FAT3: variants seen among roughly 807,000 people sequenced by gnomAD.
FAT3 encodes FAT atypical cadherin 3, also known as protocadherin Fat 3.
Under a neutral mutation model 310.2 loss-of-function variants are expected in FAT3, and 95 were observed. The ratio of observed to expected loss-of-function variants is 0.31; its 90% CI spans 0.26 to 0.36. FAT3 has a LOEUF of 0.36. Among genes scored for constraint, FAT3 ranks in the 10% least tolerant of loss-of-function variants. The pLI is 1.00. For missense variants in FAT3, 5,408 were observed against 5,715.6 expected (o/e 0.95, Z 1.74); for synonymous variants, 2,314 against 2,192.9 (o/e 1.06, Z -1.54).
chr11:92,281,276 C>A (rs1243647420), intron 1 of FAT3, among the ~76,000 whole-genome samples: 1 of 152,048 alleles, frequency 6.6e-6, no homozygotes, highest in Non-Finnish European at 1.5e-5. Flanking sequence ...AAGGAAATAT[C>A]TTCAAATTAA....
chr11:92,745,582 G>GAAAA (rs58851230), intron 4 of FAT3, among the ~76,000 whole-genome samples: 9 of 122,970 alleles, frequency 7.3e-5, no homozygotes, highest in African/African-American at 2.4e-4. Flanking sequence ...TCTCTGCAGG[G>GAAAA]AAAAAAAAAA....
rs189080743 is a variant in FAT3, at chr11:92,857,235, A to G, written c.11387A>G (p.Asn3796Ser). The G allele has an allele frequency of 2.6e-4, 412 of 1,613,982 alleles. 3 individuals carry two copies. The African/African-American group carries it at 4.8e-3, about 19-fold the overall frequency. ...ACAGGAGGACTGTGTCCGGGGTCCA[A>G]CGATCCTTGTGTGGAGAAGCCGTGT... ...TCNGGLCPGS[N>S]DPCVEKPCPG... Residue 3796 changes from asparagine (N) to serine (S), a missense_variant, in exon 20 of 28, where the codon AAC (asparagine) becomes AGC (serine). Physicochemically the swap from Asn to Ser is conservative, Grantham distance 46. This residue lies in a region of FAT3 where 4,588 missense variants were observed against 4,809.8 expected (regional missense o/e 0.95). Transcript: ENST00000525166.
rs536129063 is a variant in FAT3 at position 92,800,282 on chromosome 11, C to G, written c.7269C>G (p.Ser2423Arg). ...GTGTACAAGCCTCTGATGCAGACAG[C>G]TCTGATTTTGACCGGTTGGAATATA... ...VTCVQASDAD[S>R]SDFDRLEYSI... Residue 2423 changes from serine to arginine, a missense_variant, in exon 10 of 28, where the codon AGC becomes AGG. Ser to Arg is a moderately radical substitution (Grantham distance 110). Transcript: ENST00000525166. 156 of 1,613,894 alleles carry G rather than the reference C, an allele frequency of 9.7e-5. 1 individual carries two copies. The East Asian group carries it at 3.3e-3, about 34-fold the overall frequency.
chr11:92,752,916 T>C (rs1189872534), intron 4 of FAT3, among the ~76,000 whole-genome samples: 1 of 152,218 alleles, frequency 6.6e-6, no homozygotes, highest in Admixed American at 6.5e-5. Flanking sequence ...AACAATATAA[T>C]AAATAAGGAC....
chr11:92,752,561 G>C (rs941459333), intron 4 of FAT3, among the ~76,000 whole-genome samples: 27 of 152,152 alleles, frequency 1.8e-4, no homozygotes, highest in Non-Finnish European at 5.9e-5. Context: ...CTAGGGTAGG[G>C]AGCCAAAGTT....
At chr11:92,846,969 A>G (rs3847542) in intron 19 of FAT3, among the ~76,000 whole-genome samples, 22,961 of 152,208 alleles carry the variant, frequency 0.15, 1,788 homozygotes, top group East Asian at 0.23. Flanking sequence ...TCTTTGTTTT[A>G]TAGATGTGGT....
chr11:92,282,153 G>A (rs937290508), intron 1 of FAT3, among the ~76,000 whole-genome samples: 1 of 152,054 alleles, frequency 6.6e-6, no homozygotes, highest in Non-Finnish European at 1.5e-5. Context: ...TGATCTGCCT[G>A]CCTCAGCCTC....
Position 92,801,797 on chromosome 11 carries a change from G to A in FAT3, c.8784G>A (p.Val2928=), listed in dbSNP as rs931573599. 5.0e-6 allele frequency: 8 copies of A among 1,613,816 alleles called. No individual in the cohort carries two copies. In the Admixed American group the frequency reaches 1.0e-4, roughly 20 times the overall value. The change falls in exon 10 of 28, where the codon GTG becomes GTA. Residue 2928 remains valine (V), a synonymous_variant. Coordinates refer to ENST00000525166, the MANE Select transcript of FAT3 (RefSeq NM_001367949.2). ...ATGCACCAGTCTTCGCGCAGGAAGT[G>A]TACCGAGGGAATGTGAAGGAGAGCG... ...NDNAPVFAQE[V]YRGNVKESDP...
intron 3 of FAT3, among the ~76,000 whole-genome samples, chr11:92,545,199 G>A (rs1954577313): frequency 6.6e-6 from 1 of 152,016 alleles, no homozygotes; most frequent in South Asian, 2.1e-4. Context: ...TCTCTTCAAG[G>A]CCTTCCTCAG....
At chr11:92,274,557 G>T (rs1946212426) in intron 1 of FAT3, among the ~76,000 whole-genome samples, 1 of 151,886 alleles carries the variant, frequency 6.6e-6, no homozygotes, top group African/African-American at 2.4e-5. Flanking sequence ...CAATTTTAAA[G>T]AATTTTCAAG....
chr11:92,508,903 C>G (rs1953200170), intron 2 of FAT3, among the ~76,000 whole-genome samples: 2 of 152,110 alleles, frequency 1.3e-5, no homozygotes, highest in African/African-American at 4.8e-5. Flanking sequence ...AGGTTATGTT[C>G]TGACATTTTA....
At chr11:92,722,788 G>A (rs1422413148) in intron 4 of FAT3, among the ~76,000 whole-genome samples, 1 of 152,192 alleles carries the variant, frequency 6.6e-6, no homozygotes, top group Non-Finnish European at 1.5e-5. Flanking sequence ...GCTAAGGCTT[G>A]GGGCTTGCAC....
chr11:92,563,174 A>T (rs1955295552), intron 3 of FAT3, among the ~76,000 whole-genome samples: 1 of 152,192 alleles, frequency 6.6e-6, no homozygotes, highest in South Asian at 2.1e-4. Flanking sequence ...TCTTTTGAGT[A>T]ATTGCTCAGA....
In FAT3 at chr11:92,893,831, C is replaced by A. The variant is rs532244314; in HGVS notation, c.*2718C>A. ...GATTATGAAATGCTTTGCAGTCAGG[C>A]CAAGATGCTACTAGGTGGGGATGAT... On this transcript the variant is annotated 3_prime_UTR_variant, in exon 28 of 28. Coordinates refer to ENST00000525166, the MANE Select transcript of FAT3 (RefSeq NM_001367949.2). The A allele has an allele frequency of 6.6e-6, 1 of 152,246 alleles. No homozygotes were observed. Among genetic ancestry groups the A allele is most frequent in the African/African-American group, 2.4e-5 (1 of 41,552 alleles). The allele number at this position is 152,246 out of a possible 1,614,324, so 9.4% of individuals were successfully genotyped here. A position where few individuals can be genotyped will look rare whatever the true frequency, so the allele number is the denominator to read the frequency against.
At chr11:92,355,665 G>C (rs1440969033) in intron 2 of FAT3, among the ~76,000 whole-genome samples, 1 of 152,130 alleles carries the variant, frequency 6.6e-6, no homozygotes, top group African/African-American at 2.4e-5. Context: ...ATTGCTACCA[G>C]GTCATCTTTT....
At chr11:92,431,328 C>G (rs1250137844) in intron 2 of FAT3, among the ~76,000 whole-genome samples, 1 of 152,034 alleles carries the variant, frequency 6.6e-6, no homozygotes, top group Admixed American at 6.5e-5. Context: ...AGTGTCTGTT[C>G]ATATCCTTCG....
chr11:92,800,863 A>G lies in FAT3; in HGVS notation c.7850A>G (p.His2617Arg), dbSNP rs879414377. The G allele has an allele frequency of 3.7e-6, 6 of 1,613,314 alleles. No individual in the cohort carries two copies. Among genetic ancestry groups the G allele is most frequent in the Non-Finnish European group, 5.1e-6 (6 of 1,179,730 alleles). ...GTCAGGGCAGATGTTGGAAGGGGCC[A>G]CTTGGTCACTCAAGTTCAAGCCATA... Reference protein sequence around the residue: ...ASVRADVGRGHLVTQVQAIDP... With the variant: ...ASVRADVGRGRLVTQVQAIDP... Residue 2617 changes from histidine (H) to arginine (R), a missense_variant, in exon 10 of 28, where the codon CAC becomes CGC. By Grantham distance (29) the His-to-Arg change is conservative. Coordinates refer to ENST00000525166, the MANE Select transcript of FAT3 (RefSeq NM_001367949.2).
At chr11:92,539,055 C>G (rs894060982) in intron 3 of FAT3, among the ~76,000 whole-genome samples, 2 of 152,084 alleles carry the variant, frequency 1.3e-5, no homozygotes, top group Non-Finnish European at 2.9e-5. Flanking sequence ...GTAAATTTCT[C>G]TTCTTTGTAA....
chr11:92,587,868 T>C (rs975216055), intron 3 of FAT3, among the ~76,000 whole-genome samples: 1 of 152,000 alleles, frequency 6.6e-6, no homozygotes, highest in Non-Finnish European at 1.5e-5. Context: ...TTTTTCCCCA[T>C]GTTAAGCCTT....
Sources: gnomAD v4.1 joint callset for allele counts (sites outside exome capture counted in the v4.1 genomes callset) on GRCh38, gnomAD v4.1.1 for gene constraint, gnomAD v4.1.1 regional missense constraint, MANE v1.5 for transcripts, NCBI Gene and HGNC (gene_info 2026-07-23, HGNC 2026-07-21) for gene names.